The following GRIK2 variants were observed in gnomAD, a reference collection of about 807,000 sequenced individuals.
GRIK2 encodes glutamate receptor ionotropic, kainate 2.
Under a neutral mutation model 100.3 loss-of-function variants are expected in GRIK2, and 32 were observed. The observed-to-expected ratio is 0.32, with a 90% CI of 0.24 to 0.43. The LOEUF (loss-of-function observed/expected upper bound fraction) is 0.43, where lower values mean the gene tolerates loss of function less well. Ranked by LOEUF, GRIK2 falls within the 20% of genes least tolerant of loss-of-function variation. The pLI, the probability that GRIK2 is intolerant of heterozygous loss-of-function variation, is 1.00. For synonymous variants in GRIK2, 417 were observed against 389.4 expected (o/e 1.07, Z -0.83); for missense variants, 843 against 1,114.9 (o/e 0.76, Z 3.47).
chr6:101,889,507 T>C (rs1468963273), intron 11 of GRIK2, 133 bp from the exon 12 acceptor site: 2 of 578,640 alleles, frequency 3.5e-6, no homozygotes, highest in Non-Finnish European at 3.0e-6. Context: ...AACATAATCG[T>C]TACTGAGGCA....
chr6:101,461,983 C>G (rs575541380), intron 2 of GRIK2, among the ~76,000 whole-genome samples: 1 of 152,238 alleles, frequency 6.6e-6, no homozygotes, highest in South Asian at 2.1e-4. Context: ...CACAAGGCTG[C>G]CTGGTTTTCA....
intron 7 of GRIK2, among the ~76,000 whole-genome samples, chr6:101,732,424 G>A (rs1775338886): frequency 6.6e-6 from 1 of 151,950 alleles, no homozygotes; most frequent in Non-Finnish European, 1.5e-5. Flanking sequence ...GTTTTCAAAA[G>A]AGAAAAGACT....
At chr6:101,793,550 C>T (rs1247067511) in intron 7 of GRIK2, among the ~76,000 whole-genome samples, 1 of 152,144 alleles carries the variant, frequency 6.6e-6, no homozygotes, top group Admixed American at 6.5e-5. Context: ...ATGCTGCTGT[C>T]TGATCGTTCC....
intron 2 of GRIK2, among the ~76,000 whole-genome samples, chr6:101,402,420 C>T (rs560757091): frequency 6.6e-6 from 1 of 152,292 alleles, no homozygotes; most frequent in East Asian, 1.9e-4. Context: ...CCTCCAGCCT[C>T]AGCCGACTCC....
chr6:101,677,656 TG>T (rs1313466471), intron 5 of GRIK2, among the ~76,000 whole-genome samples: 1 of 152,132 alleles, frequency 6.6e-6, no homozygotes, highest in African/African-American at 2.4e-5. Context: ...TTTTGGATTT[TG>T]TTTCTTAAAC....
At chr6:101,720,326 A>AT (rs796821056) in intron 7 of GRIK2, among the ~76,000 whole-genome samples, 26 of 151,936 alleles carry the variant, frequency 1.7e-4, no homozygotes, top group African/African-American at 6.0e-4. Context: ...CCCATTAATT[A>AT]TTTTTTCTCT....
intron 14 of GRIK2, among the ~76,000 whole-genome samples, chr6:101,972,984 C>A (rs1480544280): frequency 6.6e-6 from 1 of 151,982 alleles, no homozygotes; most frequent in South Asian, 2.1e-4. Flanking sequence ...TAGTGTGATG[C>A]CTCAAGCTTT....
At chr6:101,921,909 C>A (rs192331444) in intron 12 of GRIK2, among the ~76,000 whole-genome samples, 3 of 151,944 alleles carry the variant, frequency 2.0e-5, no homozygotes, top group African/African-American at 7.2e-5. Context: ...TGGATATCTT[C>A]AGTTTAAGAA....
intron 2 of GRIK2, among the ~76,000 whole-genome samples, chr6:101,538,499 A>G (rs1775829376): frequency 6.6e-6 from 1 of 151,754 alleles, no homozygotes; most frequent in African/African-American, 2.4e-5. Context: ...TTTCTTATAC[A>G]TAGTAGGTTA....
At chr6:101,442,667 G>A (rs1174045208) in intron 2 of GRIK2, among the ~76,000 whole-genome samples, 1 of 152,152 alleles carries the variant, frequency 6.6e-6, no homozygotes, top group Non-Finnish European at 1.5e-5. Context: ...AACTTTTTCT[G>A]TGAAGGACCA....
At chr6:101,820,283 T>C (rs1781875627) in intron 10 of GRIK2, among the ~76,000 whole-genome samples, 1 of 152,214 alleles carries the variant, frequency 6.6e-6, no homozygotes, top group Admixed American at 6.5e-5. Flanking sequence ...CTATACCATA[T>C]GTACCTCTGC....
chr6:101,668,098 CAGACTTG>C (rs1313935466), intron 4 of GRIK2, among the ~76,000 whole-genome samples: 1 of 152,140 alleles, frequency 6.6e-6, no homozygotes, highest in Non-Finnish European at 1.5e-5. Flanking sequence ...AATTAGCATT[CAGACTTG>C]AGTATGTCCC....
chr6:102,053,091 A>AACACAT (rs1554197945), intron 15 of GRIK2, among the ~76,000 whole-genome samples: 1 of 149,268 alleles, frequency 6.7e-6, no homozygotes, highest in Admixed American at 6.7e-5. Context: ...CAACAACAAC[A>AACACAT]ACACACACAC....
At chr6:101,936,639 TACAGGAAACCA>T (rs573045598) in intron 14 of GRIK2, among the ~76,000 whole-genome samples, 33 of 152,224 alleles carry the variant, frequency 2.2e-4, no homozygotes, top group African/African-American at 7.5e-4. Flanking sequence ...GCATAAGGAC[TACAGGAAACCA>T]ACACCATTTT....
At chr6:101,570,758 G>C (rs146039194) in intron 2 of GRIK2, among the ~76,000 whole-genome samples, 4 of 152,154 alleles carry the variant, frequency 2.6e-5, no homozygotes, top group African/African-American at 9.6e-5. Context: ...TGTGGTCTCA[G>C]AAGAGTGAAC....
At chr6:101,801,388 T>A (rs747577262) in intron 8 of GRIK2, among the ~76,000 whole-genome samples, 4 of 152,014 alleles carry the variant, frequency 2.6e-5, no homozygotes, top group Admixed American at 2.6e-4. Flanking sequence ...TGTATTAAAC[T>A]TTTTCTATTT....
intron 7 of GRIK2, among the ~76,000 whole-genome samples, chr6:101,781,284 G>A (rs1166504631): frequency 6.6e-6 from 1 of 151,994 alleles, no homozygotes; most frequent in South Asian, 2.1e-4. Flanking sequence ...GGAGTGTGGT[G>A]GCTCCTTCCA....
intron 4 of GRIK2, among the ~76,000 whole-genome samples, chr6:101,629,690 A>T (rs941423350): frequency 6.6e-6 from 1 of 152,044 alleles, no homozygotes; most frequent in African/African-American, 2.4e-5. Flanking sequence ...CTTTTTGTTT[A>T]TGTGTCAAAG....
At chr6:101,461,038 CTG>C (rs1771281087) in intron 2 of GRIK2, among the ~76,000 whole-genome samples, 2 of 152,070 alleles carry the variant, frequency 1.3e-5, no homozygotes, top group South Asian at 4.1e-4. Context: ...GGATGATACA[CTG>C]TGGAGATAAA....
Sources: gnomAD v4.1 joint callset for allele counts (sites outside exome capture counted in the v4.1 genomes callset) on GRCh38, gnomAD v4.1.1 for gene constraint, MANE v1.5 for transcripts, NCBI Gene and HGNC (gene_info 2026-07-23, HGNC 2026-07-21) for gene names.